The following TRMT1L variants were observed in gnomAD, a reference collection of about 807,000 sequenced individuals.
The protein encoded by TRMT1L is tRNA (guanine(27)-N(2))-dimethyltransferase.
In TRMT1L, 28 loss-of-function variants were observed where a neutral mutation model predicts 81.6. The ratio of observed to expected loss-of-function variants is 0.34; its 90% CI spans 0.25 to 0.47. The LOEUF is 0.47. TRMT1L is among the 20% of genes least tolerant of loss of function. The pLI is 1.00. For missense variants in TRMT1L, 739 were observed against 877.1 expected, an observed-to-expected ratio of 0.84 and a Z score of 1.99; for synonymous variants, 301 against 303.2, an observed-to-expected ratio of 0.99 and a Z score of 0.07.
chr1:185,121,770 C>A (rs1300520546), intron 13 of TRMT1L, among the ~76,000 whole-genome samples: 2 of 151,054 alleles, frequency 1.3e-5, no homozygotes, highest in African/African-American at 4.9e-5. Context: ...CTGGTAATTT[C>A]TTCTTTTTTA....
chr1:185,121,419 G>A (rs1258234098), intron 13 of TRMT1L, among the ~76,000 whole-genome samples: 1 of 151,624 alleles, frequency 6.6e-6, no homozygotes, highest in Non-Finnish European at 1.5e-5. Flanking sequence ...TCTAGCCTGA[G>A]CAACACAGTG....
chr1:185,135,262 A>C (rs1652867077), intron 10 of TRMT1L, among the ~76,000 whole-genome samples: 1 of 152,072 alleles, frequency 6.6e-6, no homozygotes, highest in South Asian at 2.1e-4. Flanking sequence ...CTAAAATACA[A>C]AAAGTTAGCC....
rs540121717 is a variant in TRMT1L at position 185,156,927 on chromosome 1, T to G, written c.-215A>C. On this transcript the variant is annotated 5_prime_UTR_variant, in exon 1 of 15. Coordinates refer to ENST00000367506, the MANE Select transcript of TRMT1L (RefSeq NM_030934.5). ...CAGAGGCAGCGATTCCAGATGCCCG[T>G]CCGCTTCCCTTTCCCCGAGGCGTTA... 6.5e-5 allele frequency: 41 copies of G among 633,080 alleles called. No individual in the cohort carries two copies. The East Asian group carries it at 1.2e-3, about 19-fold the overall frequency. 39.2% of individuals were successfully genotyped at this position (633,080 alleles called of 1,614,324 possible).
chr1:185,120,253 G>C lies in TRMT1L; in HGVS notation c.1968C>G (p.Cys656Trp). Residue 656 changes from cysteine (C) to tryptophan (W), a missense_variant, in exon 15 of 15, where the codon TGC (cysteine) becomes TGG (tryptophan). Transcript: ENST00000367506. ...MNMPKLKKFL[C>W]YLSQAGFRVS... ...CTCGAAAGCCTGCTTGAGATAAATAGCACAAAAACTTTTTTAACCTGCAAA... is the reference window on the plus strand; with the variant it reads ...CTCGAAAGCCTGCTTGAGATAAATACCACAAAAACTTTTTTAACCTGCAAA... 1.3e-6 allele frequency: 2 copies of C among 1,558,970 alleles called. No homozygotes were observed. Among genetic ancestry groups the C allele is most frequent in the Non-Finnish European group, 1.7e-6 (2 of 1,151,486 alleles).
Position 185,150,376 on chromosome 1 carries a change from A to G in TRMT1L, c.460+3T>C. The G allele has an allele frequency of 1.2e-6, 2 of 1,602,672 alleles. No individual in the cohort carries two copies. The highest frequency in any genetic ancestry group is 1.7e-6 in the Non-Finnish European group (2 of 1,171,882). On this transcript the variant is annotated splice_donor_region_variant and intron_variant, in intron 3 of 14. Coordinates refer to ENST00000367506, the MANE Select transcript of TRMT1L (RefSeq NM_030934.5). ...ACTTCTTTGCAAGCACAAAAATACT[A>G]ACCTTCAAATTCAACTGAGACTTTC...
chr1:185,131,986 C>T (rs1339708355), intron 10 of TRMT1L, among the ~76,000 whole-genome samples: 1 of 150,492 alleles, frequency 6.6e-6, no homozygotes, highest in Non-Finnish European at 1.5e-5. Flanking sequence ...ACTAAAAATA[C>T]AAAAATTAGC....
At position 185,137,807 on chromosome 1, in the gene TRMT1L, T is replaced by C; in HGVS notation, c.1323-11A>G. On this transcript the variant is annotated splice_polypyrimidine_tract_variant and intron_variant, in intron 9 of 14. Coordinates refer to ENST00000367506, the MANE Select transcript of TRMT1L (RefSeq NM_030934.5). ...CATCGGGCTGCAGCTCTACAATAAA[T>C]TTTTTCAAGTTATTTTGTGGGCTTA... 1 of 1,609,672 alleles carries C rather than the reference T, an allele frequency of 6.2e-7. No homozygotes were observed. The highest frequency in any genetic ancestry group is 8.5e-7 in the Non-Finnish European group (1 of 1,178,462).
chr1:185,121,592 T>C (rs990342391), intron 13 of TRMT1L, among the ~76,000 whole-genome samples: 1 of 152,156 alleles, frequency 6.6e-6, no homozygotes, highest in African/African-American at 2.4e-5. Context: ...AAATCAGAAT[T>C]ATAATTTGAA....
At chr1:185,147,280 T>C (rs201792292) in intron 3 of TRMT1L, 34 bp from the exon 4 acceptor site, 34 of 1,492,824 alleles carry the variant, frequency 2.3e-5, no homozygotes, top group Middle Eastern at 3.5e-4. Flanking sequence ...TCATACATTG[T>C]TCATTAAATA....
At chr1:185,124,275 A>G (rs1220444172) in intron 12 of TRMT1L, among the ~76,000 whole-genome samples, 1 of 152,096 alleles carries the variant, frequency 6.6e-6, no homozygotes, top group Non-Finnish European at 1.5e-5. Context: ...CACTCCTTGA[A>G]TTACCAAAAG....
intron 11 of TRMT1L, 64 bp downstream of exon 11, chr1:185,128,605 A>G: frequency 6.9e-7 from 1 of 1,455,952 alleles, no homozygotes; most frequent in South Asian, 1.2e-5. Flanking sequence ...CATAATAAAA[A>G]TCAGCAATTA....
chr1:185,135,879 A>C (rs977760377), intron 10 of TRMT1L, among the ~76,000 whole-genome samples: 7 of 152,142 alleles, frequency 4.6e-5, no homozygotes, highest in African/African-American at 9.7e-5. Context: ...TTAAAAAAAA[A>C]CCTGACAATA....
At chr1:185,148,430 C>G (rs753958146) in intron 3 of TRMT1L, among the ~76,000 whole-genome samples, 1 of 152,198 alleles carries the variant, frequency 6.6e-6, no homozygotes, top group Non-Finnish European at 1.5e-5. Flanking sequence ...TCTCACACCT[C>G]ACATCCATTC....
At chr1:185,143,653 TTATA>T (rs1653108812) in intron 6 of TRMT1L, among the ~76,000 whole-genome samples, 1 of 152,112 alleles carries the variant, frequency 6.6e-6, no homozygotes, top group South Asian at 2.1e-4. Flanking sequence ...ATTTATTTAT[TTATA>T]AAGAAAACTT....
At chr1:185,132,434 G>A (rs1000831688) in intron 10 of TRMT1L, among the ~76,000 whole-genome samples, 1 of 151,716 alleles carries the variant, frequency 6.6e-6, no homozygotes, top group Non-Finnish European at 1.5e-5. Context: ...CACGAGAACT[G>A]CTTGAATCTA....
Position 185,156,879 on chromosome 1 carries a change from C to G in TRMT1L, c.-167G>C, listed in dbSNP as rs1167934009. On this transcript the variant is annotated 5_prime_UTR_variant, in exon 1 of 15. Transcript: ENST00000367506. The stretch of plus-strand genomic sequence containing the variant: ...AAAGATGAAGAACCAGTGACCAAAT[C>G]CTGTTAGTAGAAAACAGAAAGCCAG... 3.2e-6 allele frequency: 3 copies of G among 931,962 alleles called. No individual in the cohort carries two copies. The Admixed American group carries it at 9.9e-5, about 31-fold the overall frequency. 57.7% of individuals were successfully genotyped at this position (931,962 alleles called of 1,614,324 possible).
chr1:185,148,936 G>T (rs181669488), intron 3 of TRMT1L, among the ~76,000 whole-genome samples: 4 of 152,150 alleles, frequency 2.6e-5, no homozygotes, highest in African/African-American at 7.2e-5. Context: ...AAGGCTGGTT[G>T]ACACTCCAAC....
intron 12 of TRMT1L, 52 bp from the exon 13 acceptor site, chr1:185,123,971 G>A (rs1652560691): frequency 9.8e-7 from 1 of 1,020,986 alleles, no homozygotes; most frequent in South Asian, 1.6e-5. Context: ...ATGACATAAA[G>A]CAACAACTCA....
At chr1:185,128,467 C>G (rs1444997222) in intron 11 of TRMT1L, among the ~76,000 whole-genome samples, 1 of 152,114 alleles carries the variant, frequency 6.6e-6, no homozygotes, top group Non-Finnish European at 1.5e-5. Flanking sequence ...TTAGTTCTGT[C>G]ACAAACTAGA....
Sources: gnomAD v4.1 joint callset for allele counts (sites outside exome capture counted in the v4.1 genomes callset) on GRCh38, gnomAD v4.1.1 for gene constraint, MANE v1.5 for transcripts, NCBI Gene and HGNC (gene_info 2026-07-23, HGNC 2026-07-21) for gene names.